FBXL7: variants seen among roughly 807,000 people sequenced by gnomAD.
FBXL7 encodes F-box/LRR-repeat protein 7.
A neutral mutation model predicts 38.3 loss-of-function variants in FBXL7; 12 were observed. The observed-to-expected ratio is 0.31, with a 90% CI of 0.20 to 0.51. The LOEUF is 0.51. Ranked by LOEUF, FBXL7 falls within the 20% of genes least tolerant of loss-of-function variation. FBXL7 has a pLI of 0.98. For missense variants in FBXL7, 567 were observed against 676.4 expected, an observed-to-expected ratio of 0.84 and a Z score of 1.79; for synonymous variants, 297 against 300.9, an observed-to-expected ratio of 0.99 and a Z score of 0.13.
chr5:15,701,840 G>A (rs1256266224), intron 2 of FBXL7, among the ~76,000 whole-genome samples: 2 of 152,148 alleles, frequency 1.3e-5, no homozygotes, highest in African/African-American at 4.8e-5. Context: ...TATTTACAAA[G>A]TATTACAAAG....
chr5:15,576,072 CTTTTTTTTT>C (rs35832237), intron 1 of FBXL7, among the ~76,000 whole-genome samples: 1 of 74,260 alleles, frequency 1.3e-5, no homozygotes, highest in Non-Finnish European at 2.4e-5. Context: ...GAATCTCATT[CTTTTTTTTT>C]TTTTTTTTTT....
intron 2 of FBXL7, among the ~76,000 whole-genome samples, chr5:15,917,549 A>G (rs1428846324): frequency 6.6e-6 from 1 of 152,006 alleles, no homozygotes. Flanking sequence ...TCAAGGTTGC[A>G]GTGAGCTTTG....
chr5:15,620,240 T>C (rs960792381), intron 2 of FBXL7, among the ~76,000 whole-genome samples: 2 of 150,702 alleles, frequency 1.3e-5, no homozygotes, highest in African/African-American at 4.9e-5. Context: ...CTTTTTTTTT[T>C]TTTTTTGTTG....
chr5:15,746,398 T>A (rs137868259), intron 2 of FBXL7, among the ~76,000 whole-genome samples: 7 of 152,268 alleles, frequency 4.6e-5, no homozygotes, highest in East Asian at 1.9e-4. Context: ...TACCATAGAC[T>A]GGGTGGGTTA....
chr5:15,765,534 C>T (rs1378506025), intron 2 of FBXL7, among the ~76,000 whole-genome samples: 2 of 152,210 alleles, frequency 1.3e-5, no homozygotes, highest in African/African-American at 4.8e-5. Context: ...TCCTCCCATT[C>T]ACAACCTAAA....
At chr5:15,774,942 A>C (rs2126714636) in intron 2 of FBXL7, among the ~76,000 whole-genome samples, 1 of 152,316 alleles carries the variant, frequency 6.6e-6, no homozygotes. Context: ...AGAAAAGTAG[A>C]TAAGTCTGTG....
At chr5:15,889,593 A>G (rs1433376465) in intron 2 of FBXL7, among the ~76,000 whole-genome samples, 3 of 152,190 alleles carry the variant, frequency 2.0e-5, no homozygotes, top group Non-Finnish European at 2.9e-5. Flanking sequence ...TCTCTGCCAT[A>G]TTAGAATACC....
At chr5:15,924,919 G>A (rs1168245400) in intron 2 of FBXL7, among the ~76,000 whole-genome samples, 3 of 152,164 alleles carry the variant, frequency 2.0e-5, no homozygotes, top group East Asian at 3.9e-4. Flanking sequence ...GAGCCACTGT[G>A]CCTGCAAGGG....
At chr5:15,828,035 C>A (rs1738360933) in intron 2 of FBXL7, among the ~76,000 whole-genome samples, 1 of 152,210 alleles carries the variant, frequency 6.6e-6, no homozygotes, top group Non-Finnish European at 1.5e-5. Context: ...GCAAGATAGG[C>A]AACCATCCAG....
At chr5:15,589,677 C>T (rs1739412342) in intron 1 of FBXL7, among the ~76,000 whole-genome samples, 1 of 152,142 alleles carries the variant, frequency 6.6e-6, no homozygotes, top group Admixed American at 6.5e-5. Context: ...GAAGAAAAGG[C>T]TTTGGAAGTT....
intron 1 of FBXL7, among the ~76,000 whole-genome samples, chr5:15,521,182 T>C (rs917698502): frequency 8.5e-5 from 13 of 152,232 alleles, no homozygotes; most frequent in Non-Finnish European, 1.6e-4. Context: ...AAGCAGTTCT[T>C]CCCTCCAAGA....
At chr5:15,818,743 T>TGTGTGTGTGA (rs1394101097) in intron 2 of FBXL7, among the ~76,000 whole-genome samples, 62 of 39,556 alleles carry the variant, frequency 1.6e-3, no homozygotes, top group Non-Finnish European at 3.4e-3. Flanking sequence ...TGTGTGTGTG[T>TGTGTGTGTGA]GAGAGAGAGA....
chr5:15,803,031 C>G (rs1484515710), intron 2 of FBXL7, among the ~76,000 whole-genome samples: 1 of 152,154 alleles, frequency 6.6e-6, no homozygotes, highest in African/African-American at 2.4e-5. Flanking sequence ...TATCATTCCT[C>G]TGGAGAAAAT....
chr5:15,937,630 C>T lies in FBXL7; in HGVS notation c.*444C>T, dbSNP rs1742236913. 1 of 172,578 alleles carries T rather than the reference C, an allele frequency of 5.8e-6. No homozygotes were observed. Among genetic ancestry groups the T allele is most frequent in the African/African-American group, 2.4e-5 (1 of 41,774 alleles). 10.7% of individuals were successfully genotyped at this position (172,578 alleles called of 1,614,324 possible). A position where few individuals can be genotyped will look rare whatever the true frequency, so the allele number is the denominator to read the frequency against. ...AATCACAGTGCTCTCCAGACCTCCT[C>T]TCTAAACTGCTTCATTGACCTAAGT... On this transcript the variant is annotated 3_prime_UTR_variant, in exon 4 of 4. Coordinates refer to ENST00000504595, the MANE Select transcript of FBXL7 (RefSeq NM_012304.5).
chr5:15,821,740 T>C (rs1738174486), intron 2 of FBXL7, among the ~76,000 whole-genome samples: 1 of 152,186 alleles, frequency 6.6e-6, no homozygotes, highest in Non-Finnish European at 1.5e-5. Flanking sequence ...TGTAAAGAAA[T>C]TCCAGAGCCC....
At chr5:15,522,378 T>C (rs926550425) in intron 1 of FBXL7, among the ~76,000 whole-genome samples, 7 of 152,222 alleles carry the variant, frequency 4.6e-5, no homozygotes, top group Middle Eastern at 3.2e-3. Flanking sequence ...TTTCTCATAA[T>C]TGTATTCAGA....
At chr5:15,620,230 CTT>C (rs796293132) in intron 2 of FBXL7, among the ~76,000 whole-genome samples, 19 of 134,094 alleles carry the variant, frequency 1.4e-4, no homozygotes, top group Admixed American at 2.3e-4. Flanking sequence ...TTCTTTTTTT[CTT>C]TTTTTTTTTT....
intron 2 of FBXL7, among the ~76,000 whole-genome samples, chr5:15,853,526 TGA>T (rs1193079562): frequency 6.6e-6 from 1 of 151,986 alleles, no homozygotes. Context: ...ACCTTAGTAA[TGA>T]GACTCAATCC....
rs190969057 is a variant in FBXL7, at chr5:15,537,222, C to T, written c.37+36509C>T. Among the ~76,000 whole-genome samples the T allele has an allele frequency of 4.6e-5, 7 of 152,204 alleles. No homozygotes were observed. The East Asian group carries it at 1.2e-3, about 25-fold the overall frequency. ...AAATAGACTGATACAAGTCATATCT[C>T]AGTTTTGTTTTTATTTTGTGTTTTC... On this transcript the variant is annotated intron_variant, in intron 1 of 3. Coordinates refer to ENST00000504595, the MANE Select transcript of FBXL7 (RefSeq NM_012304.5).
Sources: allele counts gnomAD v4.1 joint callset (sites outside exome capture counted in the v4.1 genomes callset), GRCh38; gene constraint gnomAD v4.1.1; transcripts MANE v1.5; gene names NCBI Gene and HGNC (gene_info 2026-07-23, HGNC 2026-07-21).